ZNF713: variants seen among roughly 807,000 people sequenced by gnomAD.
ZNF713 encodes zinc finger protein 713.
In ZNF713, 21 loss-of-function variants were observed where a neutral mutation model predicts 28.7. That is an observed-to-expected ratio of 0.73 (90% CI 0.52 to 1.05). ZNF713 has a LOEUF of 1.05. Ranked by LOEUF, ZNF713 falls within the 50% of genes least tolerant of loss-of-function variation. ZNF713 has a pLI of 0.00. For synonymous variants in ZNF713, 167 were observed against 178.0 expected (o/e 0.94, Z 0.49); for missense variants, 458 against 532.4 (o/e 0.86, Z 1.37).
chr7:55,939,690 A>G lies in ZNF713; in HGVS notation c.1016A>G (p.Glu339Gly). 1 of 1,614,202 alleles carries G rather than the reference A, an allele frequency of 6.2e-7. No homozygotes were observed. Among genetic ancestry groups the G allele is most frequent in the South Asian group, 1.1e-5 (1 of 91,080 alleles). ...FTQHLRIHTGEKPYKCNQCGK... is the reference protein window; with the variant it reads ...FTQHLRIHTGGKPYKCNQCGK... ...CAACATCTGAGGATTCATACTGGAG[A>G]AAAGCCCTATAAATGTAATCAATGT... Residue 339 changes from glutamate to glycine, a missense_variant, in exon 7 of 7, where the codon GAA becomes GGA. By Grantham distance (98) the Glu-to-Gly change is moderately conservative. Coordinates refer to ENST00000429591, the MANE Select transcript of ZNF713 (RefSeq NM_182633.3).
At chr7:55,920,265 C>T (rs924992441) in intron 4 of ZNF713, among the ~76,000 whole-genome samples, 2 of 152,180 alleles carry the variant, frequency 1.3e-5, no homozygotes, top group East Asian at 1.9e-4. Flanking sequence ...AAGAGCATGT[C>T]GAATGCATTT....
At chr7:55,915,918 G>A (rs978191253) in intron 4 of ZNF713, among the ~76,000 whole-genome samples, 1 of 152,182 alleles carries the variant, frequency 6.6e-6, no homozygotes, top group African/African-American at 2.4e-5. Context: ...CTGAATTTGT[G>A]AGAGGCAGAG....
chr7:55,917,902 T>C (rs1272641017), intron 4 of ZNF713: 2 of 347,306 alleles, frequency 5.8e-6, no homozygotes, highest in Non-Finnish European at 5.9e-6. Flanking sequence ...TAACATATTC[T>C]GTTGGCAAAG....
rs140984938 is a variant in ZNF713 at position 55,912,688 on chromosome 7, G to T, written c.52G>T (p.Glu18Ter). ...TCAGGAGGGGAACATGGAGGAGGAA[G>T]AAATGAATGATGGCTCACAGATGGT... ...FSQEGNMEEE[E>*]MNDGSQMVRS... is the part of the protein sequence containing the mutation. Residue 18 changes from glutamate (E) to a stop codon, truncating the protein, a stop_gained, in exon 4 of 7, where the codon GAA becomes TAA. Transcript: ENST00000429591. LOFTEE classifies it high-confidence loss of function. The T allele has an allele frequency of 2.5e-5, 40 of 1,613,494 alleles. No individual in the cohort carries two copies. The highest frequency in any genetic ancestry group is 3.1e-5 in the Non-Finnish European group (37 of 1,179,878).
At chr7:55,907,312 T>C (rs1407021372) in intron 2 of ZNF713, among the ~76,000 whole-genome samples, 2 of 152,178 alleles carry the variant, frequency 1.3e-5, no homozygotes, top group Non-Finnish European at 2.9e-5. Context: ...TTTTTAAATA[T>C]CTAGGTGCAC....
intron 2 of ZNF713, among the ~76,000 whole-genome samples, chr7:55,908,069 T>C (rs1205653210): frequency 6.6e-6 from 1 of 151,984 alleles, no homozygotes; most frequent in Non-Finnish European, 1.5e-5. Flanking sequence ...CTAATACTAA[T>C]TTACATTCCC....
intron 6 of ZNF713, among the ~76,000 whole-genome samples, chr7:55,931,609 CCTTCTTTCCCTCTCTCCTCTCCCTCCTT>C (rs1786211745): frequency 1.3e-5 from 2 of 151,792 alleles, no homozygotes; most frequent in African/African-American, 4.8e-5. Flanking sequence ...TCCTCTCCCT[CCTTCTTTCCCTCTCTCCTCTCCCTCCTT>C]CTTTCCCTCT....
At chr7:55,912,973 C>T (rs767520883) in intron 4 of ZNF713, among the ~76,000 whole-genome samples, 7 of 152,120 alleles carry the variant, frequency 4.6e-5, no homozygotes, top group Non-Finnish European at 7.4e-5. Flanking sequence ...GTGAAGAAAA[C>T]AAAACAATGG....
In ZNF713 at chr7:55,887,713, AGGC is replaced by A. The variant is rs1785276764; in HGVS notation, c.-583+36_-583+38del. 5.9e-4 allele frequency: 27 copies of A among 45,670 alleles called. 8 individuals carry two copies. In the South Asian group the frequency reaches 8.4e-3, roughly 14 times the overall value. The allele number at this position is 45,670 out of a possible 1,614,324, so 2.8% of individuals were successfully genotyped here. ...CGCGCCGGGAGGAGGCGGAGGCGGG[AGGC>A]GGAGGCGGGGGGCGGAGGCGGGGGG... On this transcript the variant is annotated intron_variant, in intron 1 of 6. Transcript: ENST00000429591.
intron 2 of ZNF713, among the ~76,000 whole-genome samples, chr7:55,908,917 TAG>T (rs1410188683): frequency 6.6e-6 from 1 of 151,970 alleles, no homozygotes; most frequent in Non-Finnish European, 1.5e-5. Flanking sequence ...TGGTTAAAGA[TAG>T]GGGTCCAGGC....
At chr7:55,890,105 T>A (rs1035362469) in intron 1 of ZNF713, among the ~76,000 whole-genome samples, 1 of 152,164 alleles carries the variant, frequency 6.6e-6, no homozygotes, top group East Asian at 1.9e-4. Flanking sequence ...CTTCTTCTTA[T>A]GAGGACACTA....
Position 55,939,910 on chromosome 7 carries a change from C to G in ZNF713, c.1236C>G (p.His412Gln), listed in dbSNP as rs1362986227. The G allele has an allele frequency of 6.2e-7, 1 of 1,614,018 alleles. No homozygotes were observed. Among genetic ancestry groups the G allele is most frequent in the Non-Finnish European group, 8.5e-7 (1 of 1,179,978 alleles). Reference protein sequence around the residue: ...ECGKAFSQSAHLNQHRKIHTR... With the variant: ...ECGKAFSQSAQLNQHRKIHTR... Reference sequence around the variant, plus strand: ...GGAAAGCCTTTAGCCAGAGTGCACACCTTAATCAACACAGGAAAATCCATA... The same window carrying G: ...GGAAAGCCTTTAGCCAGAGTGCACAGCTTAATCAACACAGGAAAATCCATA... The change falls in exon 7 of 7, where the codon CAC becomes CAG. Residue 412 changes from histidine to glutamine, a missense_variant. Physicochemically the swap from His to Gln is conservative, Grantham distance 24. Transcript: ENST00000429591.
intron 6 of ZNF713, among the ~76,000 whole-genome samples, chr7:55,929,764 G>C (rs1415831527): frequency 6.6e-6 from 1 of 151,542 alleles, no homozygotes; most frequent in African/African-American, 2.4e-5. Flanking sequence ...AAAAAAACTG[G>C]AGAGAGAGAC....
chr7:55,907,491 G>A (rs1254759390), intron 2 of ZNF713, among the ~76,000 whole-genome samples: 5 of 152,112 alleles, frequency 3.3e-5, no homozygotes, highest in African/African-American at 7.2e-5. Context: ...GGTATTCCAC[G>A]TGCAGGTTTG....
intron 4 of ZNF713, among the ~76,000 whole-genome samples, chr7:55,913,466 G>A (rs1044788536): frequency 1.3e-5 from 2 of 152,036 alleles, no homozygotes; most frequent in African/African-American, 4.8e-5. Flanking sequence ...CTCCCAAAGT[G>A]CTGGGATTAC....
chr7:55,901,684 T>G (rs1785581133), intron 1 of ZNF713, among the ~76,000 whole-genome samples: 1 of 152,190 alleles, frequency 6.6e-6, no homozygotes, highest in East Asian at 1.9e-4. Context: ...ATGGAAGCTC[T>G]GCACCCACCA....
At chr7:55,914,135 A>G (rs1728126773) in intron 4 of ZNF713, among the ~76,000 whole-genome samples, 1 of 151,430 alleles carries the variant, frequency 6.6e-6, no homozygotes, top group South Asian at 2.1e-4. Context: ...AAAGAGGCTT[A>G]GCTTTATTTC....
intron 1 of ZNF713, among the ~76,000 whole-genome samples, chr7:55,893,658 C>T (rs549736240): frequency 3.3e-5 from 5 of 152,234 alleles, no homozygotes; most frequent in African/African-American, 1.2e-4. Flanking sequence ...TGGCTCACTG[C>T]AACCTCCGCC....
intron 6 of ZNF713, among the ~76,000 whole-genome samples, chr7:55,927,033 G>A (rs1413051849): frequency 2.6e-5 from 4 of 152,054 alleles, no homozygotes; most frequent in South Asian, 4.1e-4. Flanking sequence ...TCACAGCTAC[G>A]TGGCAGGCTG....
Sources: gnomAD v4.1 joint callset for allele counts (sites outside exome capture counted in the v4.1 genomes callset) on GRCh38, gnomAD v4.1.1 for gene constraint, MANE v1.5 for transcripts, NCBI Gene and HGNC (gene_info 2026-07-23, HGNC 2026-07-21) for gene names.